Variants in MYO16 observed in about 807,000 individuals in gnomAD.
MYO16 encodes the protein unconventional myosin-XVI.
Under a neutral mutation model 205.3 loss-of-function variants are expected in MYO16, and 94 were observed. The observed-to-expected ratio is 0.46, with a 90% CI of 0.39 to 0.54. The LOEUF is 0.54. Ranked by LOEUF, MYO16 falls within the 20% of genes least tolerant of loss-of-function variation. MYO16 has a pLI of 0.00. For missense variants in MYO16, 2,315 were observed against 2,387.5 expected, an observed-to-expected ratio of 0.97 and a Z score of 0.63; for synonymous variants, 988 against 954.0, an observed-to-expected ratio of 1.04 and a Z score of -0.66.
chr13:108,871,765 A>G (rs1449373010), intron 12 of MYO16, among the ~76,000 whole-genome samples: 1 of 152,144 alleles, frequency 6.6e-6, no homozygotes, highest in African/African-American at 2.4e-5. Context: ...GACACTCAGC[A>G]CAGCGGCACT....
intron 23 of MYO16, 37 bp downstream of exon 23, chr13:109,019,948 T>C (rs1207410971): frequency 1.9e-6 from 3 of 1,584,708 alleles, no homozygotes; most frequent in Non-Finnish European, 2.6e-6. Context: ...TCATGTGCAC[T>C]AATGATCAAA....
chr13:108,618,009 A>G (rs111420094), intron 1 of MYO16, among the ~76,000 whole-genome samples: 5 of 152,110 alleles, frequency 3.3e-5, no homozygotes, highest in African/African-American at 9.7e-5. Context: ...CAATCCTGCC[A>G]GTCTTCAAGC....
At chr13:108,632,042 C>G (rs886776209) in intron 1 of MYO16, among the ~76,000 whole-genome samples, 2 of 142,532 alleles carry the variant, frequency 1.4e-5, no homozygotes, top group African/African-American at 5.3e-5. Context: ...CGCGCCATTG[C>G]ACTCCAGCCT....
the MYO16 span, among the ~76,000 whole-genome samples, chr13:108,587,496 T>C: frequency 6.6e-6 from 1 of 152,216 alleles, no homozygotes; most frequent in African/African-American, 2.4e-5. Context: ...AACAATGTTA[T>C]GTCAGAAATG....
At chr13:108,542,968 T>C in the MYO16 span, among the ~76,000 whole-genome samples, 2 of 151,950 alleles carry the variant, frequency 1.3e-5, no homozygotes, top group East Asian at 1.9e-4. Flanking sequence ...TAAATGAATA[T>C]GTCAACATCA....
chr13:109,115,900 T>TAA, intron 28 of MYO16, among the ~76,000 whole-genome samples: 1 of 152,254 alleles, frequency 6.6e-6, no homozygotes, highest in South Asian at 2.1e-4. Context: ...TGCAAAATAT[T>TAA]ACTTAACTGC....
intron 2 of MYO16, among the ~76,000 whole-genome samples, chr13:108,692,935 G>A (rs1278708110): frequency 6.6e-6 from 1 of 152,014 alleles, no homozygotes; most frequent in Non-Finnish European, 1.5e-5. Flanking sequence ...CCATAACAAT[G>A]AACTTAAAGC....
intron 16 of MYO16, among the ~76,000 whole-genome samples, chr13:108,922,789 T>C (rs974292470): frequency 6.6e-6 from 1 of 152,240 alleles, no homozygotes; most frequent in African/African-American, 2.4e-5. Context: ...TTCTATGCCA[T>C]AATAGGAATT....
At chr13:109,103,546 G>C (rs1431406654) in intron 28 of MYO16, among the ~76,000 whole-genome samples, 7 of 152,202 alleles carry the variant, frequency 4.6e-5, no homozygotes, top group Non-Finnish European at 7.4e-5. Context: ...GTGTTAGCTA[G>C]AAATTCATTT....
the MYO16 span, among the ~76,000 whole-genome samples, chr13:108,504,981 T>C: frequency 1.3e-5 from 2 of 152,248 alleles, no homozygotes; most frequent in African/African-American, 4.8e-5. Context: ...AGTCTATGAC[T>C]AGATTTCCTT....
chr13:108,846,205 C>T (rs907104639), intron 10 of MYO16, among the ~76,000 whole-genome samples: 2 of 152,120 alleles, frequency 1.3e-5, no homozygotes, highest in South Asian at 2.1e-4. Flanking sequence ...TACATTTTAA[C>T]ACTTATGCCC....
intron 32 of MYO16, among the ~76,000 whole-genome samples, chr13:109,142,115 A>G (rs559580512): frequency 6.6e-6 from 1 of 152,312 alleles, no homozygotes; most frequent in East Asian, 1.9e-4. Flanking sequence ...TAAGATTTTC[A>G]TGACGACGTT....
At chr13:108,797,161 G>A (rs1234339267) in intron 6 of MYO16, among the ~76,000 whole-genome samples, 1 of 152,140 alleles carries the variant, frequency 6.6e-6, no homozygotes, top group Admixed American at 6.5e-5. Flanking sequence ...CATCAAATGA[G>A]ATGAGGCTGA....
chr13:108,881,257 A>G (rs112616416), intron 12 of MYO16, among the ~76,000 whole-genome samples: 5,908 of 152,298 alleles, frequency 0.039, 288 homozygotes, highest in South Asian at 0.18. Context: ...TAACAAACAG[A>G]AAGGACATCC....
intron 2 of MYO16, among the ~76,000 whole-genome samples, chr13:108,702,720 T>C (rs970806630): frequency 6.6e-6 from 1 of 152,182 alleles, no homozygotes; most frequent in Non-Finnish European, 1.5e-5. Context: ...AATATAAGTC[T>C]GTTATAAATG....
intron 2 of MYO16, among the ~76,000 whole-genome samples, chr13:108,688,383 C>A (rs993883653): frequency 6.6e-6 from 1 of 152,140 alleles, no homozygotes; most frequent in Non-Finnish European, 1.5e-5. Context: ...CATATGAATA[C>A]GAATTTGAGG....
intron 21 of MYO16, among the ~76,000 whole-genome samples, chr13:108,995,885 T>C (rs1884986293): frequency 6.6e-6 from 1 of 152,160 alleles, no homozygotes. Flanking sequence ...TTGTGAATAG[T>C]GCATCTCACA....
At chr13:108,676,527 A>G (rs1882218964) in intron 2 of MYO16, among the ~76,000 whole-genome samples, 1 of 152,106 alleles carries the variant, frequency 6.6e-6, no homozygotes, top group Non-Finnish European at 1.5e-5. Flanking sequence ...TGTGACTTGG[A>G]AATGGAGTGT....
intron 21 of MYO16, among the ~76,000 whole-genome samples, chr13:108,999,433 G>T (rs954928923): frequency 6.6e-6 from 1 of 152,032 alleles, no homozygotes; most frequent in Non-Finnish European, 1.5e-5. Flanking sequence ...ATTTATTTTC[G>T]CTACGTGTCA....
Sources: gnomAD v4.1 joint callset for allele counts (sites outside exome capture counted in the v4.1 genomes callset) on GRCh38, gnomAD v4.1.1 for gene constraint, MANE v1.5 for transcripts, NCBI Gene and HGNC (gene_info 2026-07-23, HGNC 2026-07-21) for gene names.